TCF12: variants seen among roughly 807,000 people sequenced by gnomAD.
TCF12 encodes the protein DNA-binding protein HTF4.
A neutral mutation model predicts 86.0 loss-of-function variants in TCF12; 45 were observed. The observed-to-expected ratio is 0.52, with a 90% CI of 0.41 to 0.67. The LOEUF (loss-of-function observed/expected upper bound fraction) is 0.67. Among genes scored for constraint, TCF12 ranks in the 30% least tolerant of loss-of-function variants. The probability of loss-of-function intolerance (pLI) is 0.00; values close to 1 mark genes in which losing one functional copy is unlikely to be tolerated. For missense variants in TCF12, 881 were observed against 859.9 expected (o/e 1.02, Z -0.31); for synonymous variants, 330 against 299.6 (o/e 1.10, Z -1.05).
chr15:57,035,268 C>G (rs767854682), intron 3 of TCF12, among the ~76,000 whole-genome samples: 7 of 152,000 alleles, frequency 4.6e-5, no homozygotes, highest in Non-Finnish European at 8.8e-5. Context: ...GTAATGTTAT[C>G]TTATTTTATT....
intron 3 of TCF12, among the ~76,000 whole-genome samples, chr15:57,012,544 A>G (rs2064894497): frequency 6.6e-6 from 1 of 152,202 alleles, no homozygotes; most frequent in South Asian, 2.1e-4. Context: ...CCTGAGATAG[A>G]GTTTAGTGTG....
chr15:57,011,348 CTTG>C lies in TCF12; in HGVS notation c.149-52399_149-52397del, dbSNP rs201835040. 1.8e-4 allele frequency among the ~76,000 whole-genome samples: 27 copies of C among 152,114 alleles called. No homozygotes were observed. In the East Asian group the frequency reaches 4.3e-3, roughly 24 times the overall value. ...TTTATAAGTCAGGGATCCACCCCCTCTTGTTCCTGCTCTCCCCATGTGAGACAC... is the reference window on the plus strand; with the variant it reads ...TTTATAAGTCAGGGATCCACCCCCTCTTCCTGCTCTCCCCATGTGAGACAC... On this transcript the variant is annotated intron_variant, in intron 3 of 20. Coordinates refer to ENST00000333725, the MANE Select transcript of TCF12 (RefSeq NM_207037.2).
At chr15:57,236,440 A>G (rs750137060) in intron 12 of TCF12, among the ~76,000 whole-genome samples, 4 of 152,310 alleles carry the variant, frequency 2.6e-5, no homozygotes, top group Middle Eastern at 3.4e-3. Context: ...TATTATAGAT[A>G]TTTTGAAATG....
intron 16 of TCF12, among the ~76,000 whole-genome samples, chr15:57,260,406 T>C (rs2060534808): frequency 6.6e-6 from 1 of 152,220 alleles, no homozygotes; most frequent in Non-Finnish European, 1.5e-5. Flanking sequence ...TAGTATTGTC[T>C]TACATAGCTA....
At chr15:56,967,282 A>G (rs1175207221) in intron 3 of TCF12, among the ~76,000 whole-genome samples, 1 of 152,068 alleles carries the variant, frequency 6.6e-6, no homozygotes, top group Non-Finnish European at 1.5e-5. Context: ...CCTGGTGTGA[A>G]GTAATTTTTC....
At chr15:57,203,489 C>G (rs2591068) in intron 8 of TCF12, among the ~76,000 whole-genome samples, 106,325 of 152,032 alleles carry the variant, frequency 0.7, 38,120 homozygotes, top group East Asian at 0.82. Flanking sequence ...GATTTGAAAT[C>G]CCTTCCTAGA....
chr15:56,930,947 C>T (rs1457549426), intron 3 of TCF12, among the ~76,000 whole-genome samples: 3 of 152,030 alleles, frequency 2.0e-5, no homozygotes, highest in African/African-American at 4.8e-5. Context: ...ACATATATAC[C>T]TATATACTAT....
At chr15:56,948,146 G>A (rs2061095065) in intron 3 of TCF12, among the ~76,000 whole-genome samples, 2 of 151,502 alleles carry the variant, frequency 1.3e-5, no homozygotes, top group East Asian at 3.9e-4. Flanking sequence ...TTTTGAGATG[G>A]GATCTCACTC....
chr15:57,030,985 C>T (rs912688069), intron 3 of TCF12, among the ~76,000 whole-genome samples: 2 of 152,158 alleles, frequency 1.3e-5, no homozygotes, highest in Non-Finnish European at 2.9e-5. Flanking sequence ...TAGTTGATGC[C>T]AACCACTTGA....
chr15:57,163,793 C>T (rs1481271094), intron 5 of TCF12, among the ~76,000 whole-genome samples: 2 of 152,150 alleles, frequency 1.3e-5, no homozygotes, highest in African/African-American at 4.8e-5. Context: ...ACATACACAG[C>T]CTTCCCTGCA....
chr15:57,252,660 G>A (rs2060170084), intron 15 of TCF12, among the ~76,000 whole-genome samples, 168 bp downstream of exon 15: 1 of 152,098 alleles, frequency 6.6e-6, no homozygotes, highest in Non-Finnish European at 1.5e-5. Context: ...TTATGTTGTT[G>A]AAAGTGATCC....
At chr15:57,208,725 T>C (rs973124700) in intron 8 of TCF12, among the ~76,000 whole-genome samples, 3 of 150,878 alleles carry the variant, frequency 2.0e-5, no homozygotes, top group Non-Finnish European at 4.4e-5. Flanking sequence ...TTTTTTCTTT[T>C]GAAACAGGAA....
chr15:56,963,394 C>T (rs2061863121), intron 3 of TCF12, among the ~76,000 whole-genome samples: 1 of 152,048 alleles, frequency 6.6e-6, no homozygotes, highest in African/African-American at 2.4e-5. Context: ...GTATATGCTG[C>T]TTTTTGTCTG....
chr15:56,959,325 T>A (rs1420406503), intron 3 of TCF12, among the ~76,000 whole-genome samples: 1 of 152,242 alleles, frequency 6.6e-6, no homozygotes, highest in Non-Finnish European at 1.5e-5. Flanking sequence ...GCTACAGCTT[T>A]CTAACAGTAG....
intron 5 of TCF12, among the ~76,000 whole-genome samples, chr15:57,101,630 CAT>C (rs1198180859): frequency 1.3e-5 from 2 of 152,218 alleles, no homozygotes; most frequent in African/African-American, 4.8e-5. Flanking sequence ...CACCCACACA[CAT>C]ATATATATGG....
chr15:57,024,189 T>C (rs1342236087), intron 3 of TCF12, among the ~76,000 whole-genome samples: 1 of 149,348 alleles, frequency 6.7e-6, no homozygotes, highest in Admixed American at 6.7e-5. Context: ...GCAAAACTAA[T>C]CTGAGGACCC....
At chr15:57,148,483 G>A (rs1158959596) in intron 5 of TCF12, among the ~76,000 whole-genome samples, 7 of 151,784 alleles carry the variant, frequency 4.6e-5, no homozygotes, top group African/African-American at 1.5e-4. Context: ...TCATACAGAG[G>A]GGCTAACAAG....
chr15:57,213,428 A>G (rs1414802601), intron 8 of TCF12, among the ~76,000 whole-genome samples: 7 of 152,216 alleles, frequency 4.6e-5, no homozygotes, highest in Admixed American at 4.6e-4. Flanking sequence ...TTTAGAGGCA[A>G]GAAGTATTAA....
chr15:57,051,383 C>T (rs1596305886), intron 3 of TCF12, among the ~76,000 whole-genome samples: 1 of 152,306 alleles, frequency 6.6e-6, no homozygotes, highest in Non-Finnish European at 1.5e-5. Flanking sequence ...TTTGAACCTT[C>T]CTCAGCTGTG....
Sources: gnomAD v4.1 joint callset for allele counts (sites outside exome capture counted in the v4.1 genomes callset) on GRCh38, gnomAD v4.1.1 for gene constraint, MANE v1.5 for transcripts, NCBI Gene and HGNC (gene_info 2026-07-23, HGNC 2026-07-21) for gene names.